The following BCAS3 variants were observed in gnomAD, a reference collection of about 807,000 sequenced individuals.
BCAS3 encodes BCAS3 microtubule associated cell migration factor, also known as BCAS4/BCAS3 fusion.
A neutral mutation model predicts 116.1 loss-of-function variants in BCAS3; 53 were observed. The ratio of observed to expected loss-of-function variants is 0.46; its 90% CI spans 0.37 to 0.57. The LOEUF (loss-of-function observed/expected upper bound fraction) is 0.57, where lower values mean the gene tolerates loss of function less well. BCAS3 is among the 20% of genes least tolerant of loss of function. BCAS3 has a pLI of 0.00. For missense variants in BCAS3, 917 were observed against 1,165.4 expected (o/e 0.79, Z 3.10); for synonymous variants, 391 against 408.2 (o/e 0.96, Z 0.51).
chr17:61,030,819 CA>C (rs930863705), intron 16 of BCAS3, among the ~76,000 whole-genome samples: 52 of 150,766 alleles, frequency 3.4e-4, no homozygotes, highest in African/African-American at 9.5e-4. Flanking sequence ...ATTTTTTGCT[CA>C]AAAGTTAAGT....
intron 22 of BCAS3, among the ~76,000 whole-genome samples, chr17:61,194,291 G>A (rs1053394174): frequency 1.3e-4 from 20 of 152,134 alleles, no homozygotes; most frequent in African/African-American, 3.4e-4. Flanking sequence ...AGAAAACATG[G>A]CCTTGTAATG....
Position 61,235,313 on chromosome 17 carries a change from T to C in BCAS3, c.2426-133014T>C, listed in dbSNP as rs867745341. Among the ~76,000 whole-genome samples the C allele has an allele frequency of 4.6e-5, 7 of 152,222 alleles. No homozygotes were observed. Among genetic ancestry groups the C allele is most frequent in the Non-Finnish European group, 2.9e-5 (2 of 68,030 alleles). On this transcript the variant is annotated intron_variant, in intron 22 of 23. Transcript: ENST00000407086. This position sits in a 1 kb window ranked among gnomAD's most constrained non-coding sequence, Gnocchi z 5.0. ...TTCCAGAATCCTTCTTGGCTAGTTA[T>C]AGTCTAAGACTTGCAGACAGGCAGC... is the stretch of plus-strand genomic sequence containing the variant.
Position 60,910,659 on chromosome 17 carries a change from G to C in BCAS3, c.950G>C (p.Gly317Ala). ...TCACGGCGGAGTCCTTTGGTCCCAG[G>C]CATCATCACAGTTATTGACACCGAA... is the stretch of plus-strand genomic sequence containing the variant. ...SNSRRSPLVPGIITVIDTETV... is the reference protein window; with the variant it reads ...SNSRRSPLVPAIITVIDTETV... The change falls in exon 12 of 24, where the codon GGC becomes GCC. Residue 317 changes from glycine to alanine, a missense_variant. Physicochemically the swap from Gly to Ala is moderately conservative, Grantham distance 60. Transcript: ENST00000407086. 1.2e-6 allele frequency: 2 copies of C among 1,612,550 alleles called. No individual in the cohort carries two copies. Among genetic ancestry groups the C allele is most frequent in the Non-Finnish European group, 1.7e-6 (2 of 1,179,308 alleles).
At chr17:61,192,493 G>A (rs2080208778) in intron 22 of BCAS3, among the ~76,000 whole-genome samples, 2 of 152,106 alleles carry the variant, frequency 1.3e-5, no homozygotes, top group Admixed American at 6.5e-5. Flanking sequence ...TGAGAGAAAA[G>A]ACATCTTTTC....
chr17:60,869,914 T>C (rs1041983901), intron 8 of BCAS3, among the ~76,000 whole-genome samples: 3 of 152,200 alleles, frequency 2.0e-5, no homozygotes, highest in African/African-American at 7.2e-5. Context: ...TACATAAATA[T>C]ACTAGAAGTC....
chr17:60,753,156 C>T (rs1022118737), intron 6 of BCAS3, among the ~76,000 whole-genome samples: 2 of 151,960 alleles, frequency 1.3e-5, no homozygotes, highest in African/African-American at 4.8e-5. Context: ...TTTTTTGATC[C>T]TTGATTACTA....
rs73991905 is a variant in BCAS3, at chr17:61,387,516, G to A, written c.2594-4461G>A. Among the ~76,000 whole-genome samples, 14,369 of 152,178 alleles carry A rather than the reference G, an allele frequency of 0.094. 2,122 individuals are homozygous for A. Among genetic ancestry groups the A allele is most frequent in the African/African-American group, 0.32 (13,112 of 41,470 alleles). ...CTGAGAACAGTAGTGCCAAGGATCC[G>A]GCTGTCTCATCCTTCACTTGTTTCA... On this transcript the variant is annotated intron_variant, in intron 23 of 23. Transcript: ENST00000407086. This position sits in a 1 kb window ranked among gnomAD's most constrained non-coding sequence, Gnocchi z 6.2.
chr17:60,757,230 G>T (rs1436978053), intron 6 of BCAS3, among the ~76,000 whole-genome samples: 1 of 151,596 alleles, frequency 6.6e-6, no homozygotes, highest in Non-Finnish European at 1.5e-5. Flanking sequence ...GCAGGGAATT[G>T]CTTGAACCTA....
chr17:61,091,977 T>C (rs1264647594), intron 22 of BCAS3, among the ~76,000 whole-genome samples: 1 of 152,196 alleles, frequency 6.6e-6, no homozygotes, highest in Non-Finnish European at 1.5e-5. Flanking sequence ...CATAAAAACA[T>C]AGAATATTTC....
At chr17:61,146,119 T>TG (rs1391639763) in intron 22 of BCAS3, among the ~76,000 whole-genome samples, 2 of 151,322 alleles carry the variant, frequency 1.3e-5, no homozygotes, top group South Asian at 2.1e-4. Context: ...TTTTGTTTTT[T>TG]TTTTTTTGAG....
intron 22 of BCAS3, among the ~76,000 whole-genome samples, chr17:61,096,969 G>A (rs2074015301): frequency 6.6e-6 from 1 of 152,176 alleles, no homozygotes; most frequent in African/African-American, 2.4e-5. Context: ...AAGAAAAGAA[G>A]AGGATATGGC....
chr17:61,311,384 T>C (rs1253192814), intron 22 of BCAS3, among the ~76,000 whole-genome samples: 3 of 152,208 alleles, frequency 2.0e-5, no homozygotes, highest in African/African-American at 4.8e-5. Context: ...CTCTCCAAGA[T>C]TGGATCTTGC....
Position 61,063,654 on chromosome 17 carries a change from C to G in BCAS3, c.2030-11266C>G, listed in dbSNP as rs2070308227. 6.6e-6 allele frequency among the ~76,000 whole-genome samples: 1 copy of G among 152,180 alleles called. No homozygotes were observed. The highest frequency in any genetic ancestry group is 1.5e-5 in the Non-Finnish European group (1 of 68,026). ...TTGAAAGCTTTGCTGTAGTCTGCAGCTGATCTGGGTGCAATGCTTTAGGCA... is the reference window on the plus strand; with the variant it reads ...TTGAAAGCTTTGCTGTAGTCTGCAGGTGATCTGGGTGCAATGCTTTAGGCA... On this transcript the variant is annotated intron_variant, in intron 19 of 23. Transcript: ENST00000407086. The surrounding 1 kb of genome is among the most constrained non-coding windows in gnomAD (Gnocchi z 5.3).
At chr17:61,125,140 A>G (rs947308270) in intron 22 of BCAS3, among the ~76,000 whole-genome samples, 1 of 152,236 alleles carries the variant, frequency 6.6e-6, no homozygotes, top group Non-Finnish European at 1.5e-5. Flanking sequence ...GAGATTTTCT[A>G]ATTTTGGCAA....
At chr17:60,790,706 T>C (rs189574061) in intron 6 of BCAS3, among the ~76,000 whole-genome samples, 1 of 151,876 alleles carries the variant, frequency 6.6e-6, no homozygotes, top group East Asian at 1.9e-4. Context: ...TAAATAACTA[T>C]AGTTTTATTC....
At chr17:61,369,652 G>A (rs771328829) in intron 23 of BCAS3, among the ~76,000 whole-genome samples, 5 of 152,204 alleles carry the variant, frequency 3.3e-5, no homozygotes, top group Non-Finnish European at 7.3e-5. Context: ...AGCACTAGCT[G>A]TGTGGCCTGC....
At position 61,356,102 on chromosome 17, in the gene BCAS3, C is replaced by T. The variant is rs1031494124; in HGVS notation, c.2426-12225C>T. ...CTCCGCCTCCCGGGTTCAAGTGATT[C>T]TCCTGCCTCAGCCTCCCGAGTAGCT... On this transcript the variant is annotated intron_variant, in intron 22 of 23. Coordinates refer to ENST00000407086, the MANE Select transcript of BCAS3 (RefSeq NM_017679.5). This position sits in a 1 kb window ranked among gnomAD's most constrained non-coding sequence, Gnocchi z 5.4. 6.6e-6 allele frequency among the ~76,000 whole-genome samples: 1 copy of T among 152,212 alleles called. No individual in the cohort carries two copies. Among genetic ancestry groups the T allele is most frequent in the Non-Finnish European group, 1.5e-5 (1 of 68,034 alleles).
chr17:61,158,700 A>G (rs2075915472), intron 22 of BCAS3, among the ~76,000 whole-genome samples: 1 of 152,174 alleles, frequency 6.6e-6, no homozygotes, highest in South Asian at 2.1e-4. Context: ...GGGATAGTAC[A>G]TGAGACAGTA....
chr17:61,170,094 A>G (rs1383850629), intron 22 of BCAS3, among the ~76,000 whole-genome samples: 1 of 151,944 alleles, frequency 6.6e-6, no homozygotes, highest in East Asian at 1.9e-4. Context: ...ACCTCAGGTG[A>G]TCTGCCACCT....
Sources: gnomAD v4.1 joint callset for allele counts (sites outside exome capture counted in the v4.1 genomes callset) on GRCh38, gnomAD v4.1.1 for gene constraint, Gnocchi (gnomAD v3.1) non-coding constraint, MANE v1.5 for transcripts, NCBI Gene and HGNC (gene_info 2026-07-23, HGNC 2026-07-21) for gene names.